Variants in DIAPH3 observed in about 807,000 individuals in gnomAD.
The protein encoded by DIAPH3 is protein diaphanous homolog 3.
Under a neutral mutation model 144.3 loss-of-function variants are expected in DIAPH3, and 117 were observed. That is an observed-to-expected ratio of 0.81 (90% CI 0.70 to 0.95). DIAPH3 has a LOEUF of 0.95. Among genes scored for constraint, DIAPH3 ranks in the 40% least tolerant of loss-of-function variants. The pLI, the probability that DIAPH3 is intolerant of heterozygous loss-of-function variation, is 0.00. For missense variants in DIAPH3, 1,421 were observed against 1,412.7 expected, an observed-to-expected ratio of 1.01 and a Z score of -0.09; for synonymous variants, 519 against 488.9, an observed-to-expected ratio of 1.06 and a Z score of -0.81.
chr13:59,826,537 C>T (rs1268389631), intron 24 of DIAPH3, among the ~76,000 whole-genome samples: 1 of 148,034 alleles, frequency 6.8e-6, no homozygotes, highest in Non-Finnish European at 1.5e-5. Context: ...AAAGAGGATA[C>T]AAACAAATGG....
intron 25 of DIAPH3, among the ~76,000 whole-genome samples, chr13:59,780,307 T>C (rs2038668697): frequency 6.6e-6 from 1 of 152,140 alleles, no homozygotes; most frequent in African/African-American, 2.4e-5. Flanking sequence ...GTAGAGGGAA[T>C]AGCATTCTTG....
In DIAPH3 at chr13:59,941,323, G is replaced by A. The variant is rs145191154; in HGVS notation, c.2075-16453C>T. 5.9e-5 allele frequency among the ~76,000 whole-genome samples: 9 copies of A among 152,202 alleles called. No individual in the cohort carries two copies. The East Asian group carries it at 1.5e-3, about 26-fold the overall frequency. Reference sequence around the variant, plus strand: ...AGGGAAGACACAAAAGCCCTTCCTGGGCCAAGAGAGAACTCGCAGGGGATC... The same window carrying A: ...AGGGAAGACACAAAAGCCCTTCCTGAGCCAAGAGAGAACTCGCAGGGGATC... On this transcript the variant is annotated intron_variant, in intron 17 of 27. Transcript: ENST00000400324.
At chr13:59,834,225 A>G (rs903817830) in intron 23 of DIAPH3, among the ~76,000 whole-genome samples, 6 of 151,734 alleles carry the variant, frequency 4.0e-5, no homozygotes, top group Non-Finnish European at 7.4e-5. Flanking sequence ...TAATGCAGTC[A>G]GATATAACAT....
intron 24 of DIAPH3, among the ~76,000 whole-genome samples, chr13:59,828,751 C>T (rs1405078441): frequency 6.6e-6 from 1 of 151,522 alleles, no homozygotes; most frequent in Non-Finnish European, 1.5e-5. Context: ...TTCTGTTGAT[C>T]ATGGTAACAA....
chr13:59,798,829 G>A (rs1453727926), intron 25 of DIAPH3, among the ~76,000 whole-genome samples: 3 of 152,122 alleles, frequency 2.0e-5, no homozygotes, highest in Admixed American at 6.5e-5. Context: ...AGGAAGTGGC[G>A]CATATTGGGT....
intron 18 of DIAPH3, among the ~76,000 whole-genome samples, chr13:59,924,386 A>G (rs1431196805): frequency 6.6e-6 from 1 of 152,122 alleles, no homozygotes; most frequent in Admixed American, 6.6e-5. Context: ...TGTGTGATCA[A>G]GTATCACAAA....
intron 27 of DIAPH3, among the ~76,000 whole-genome samples, chr13:59,766,117 G>A (rs2037848252): frequency 6.6e-6 from 1 of 152,090 alleles, no homozygotes; most frequent in African/African-American, 2.4e-5. Context: ...CTGCTTGGCT[G>A]GTGCTCTATA....
intron 5 of DIAPH3, among the ~76,000 whole-genome samples, chr13:60,029,292 C>T (rs903030790): frequency 6.6e-6 from 1 of 152,136 alleles, no homozygotes; most frequent in Admixed American, 6.6e-5. Flanking sequence ...ACCACTGCTA[C>T]AATCCTTATA....
At chr13:59,961,429 A>G (rs2049751541) in intron 17 of DIAPH3, among the ~76,000 whole-genome samples, 1 of 152,212 alleles carries the variant, frequency 6.6e-6, no homozygotes, top group South Asian at 2.1e-4. Flanking sequence ...CTTCGCGTGT[A>G]TATTACACAG....
At chr13:60,153,016 C>A (rs998938282) in intron 1 of DIAPH3, among the ~76,000 whole-genome samples, 1 of 152,096 alleles carries the variant, frequency 6.6e-6, no homozygotes, top group Non-Finnish European at 1.5e-5. Flanking sequence ...AACATTAGAA[C>A]TAAAGTAAGC....
intron 17 of DIAPH3, among the ~76,000 whole-genome samples, chr13:59,968,185 T>C (rs1363783541): frequency 6.6e-6 from 1 of 152,204 alleles, no homozygotes; most frequent in African/African-American, 2.4e-5. Context: ...AATTATTTCA[T>C]TTAGGGCTAA....
intron 17 of DIAPH3, among the ~76,000 whole-genome samples, chr13:59,947,755 C>T (rs1466444426): frequency 6.6e-6 from 1 of 151,170 alleles, no homozygotes; most frequent in Non-Finnish European, 1.5e-5. Flanking sequence ...ACAAACAAAC[C>T]ACAATCGTTT....
chr13:60,043,073 A>C (rs1471572832), intron 4 of DIAPH3, among the ~76,000 whole-genome samples: 1 of 152,220 alleles, frequency 6.6e-6, no homozygotes, highest in African/African-American at 2.4e-5. Flanking sequence ...GTAAAATGAC[A>C]TGGAGAACAA....
intron 27 of DIAPH3, among the ~76,000 whole-genome samples, chr13:59,717,332 C>T (rs2138877067): frequency 6.6e-6 from 1 of 152,290 alleles, no homozygotes; most frequent in South Asian, 2.1e-4. Context: ...AGTATCTTCT[C>T]AGGGGCCTAC....
chr13:59,833,094 T>C lies in DIAPH3; in HGVS notation c.3027+13A>G, dbSNP rs1422588738. The C allele has an allele frequency of 6.2e-7, 1 of 1,603,620 alleles. No individual in the cohort carries two copies. On this transcript the variant is annotated intron_variant, in intron 24 of 27. Coordinates refer to ENST00000400324, the MANE Select transcript of DIAPH3 (RefSeq NM_001042517.2). Reference sequence around the variant, plus strand: ...ATAAAAAAACTTTTTAAAAAACAATTTTTTTACCATACCATGAATGTGGTT... The same window carrying C: ...ATAAAAAAACTTTTTAAAAAACAATCTTTTTACCATACCATGAATGTGGTT...
intron 27 of DIAPH3, among the ~76,000 whole-genome samples, chr13:59,702,812 T>C (rs2034184664): frequency 6.6e-6 from 1 of 152,182 alleles, no homozygotes; most frequent in Non-Finnish European, 1.5e-5. Flanking sequence ...CCCTCTACAA[T>C]ATACCTACCT....
chr13:59,761,174 C>T (rs775547885), intron 27 of DIAPH3, among the ~76,000 whole-genome samples: 8 of 152,092 alleles, frequency 5.3e-5, no homozygotes, highest in African/African-American at 1.9e-4. Flanking sequence ...TTTACCTAGA[C>T]GAAATAACAA....
At chr13:59,981,707 A>G (rs1277826109) in intron 13 of DIAPH3, among the ~76,000 whole-genome samples, 1 of 151,452 alleles carries the variant, frequency 6.6e-6, no homozygotes, top group Non-Finnish European at 1.5e-5. Context: ...AAGAATTTAT[A>G]ATAAAAAATA....
chr13:59,889,136 C>A (rs1370480539), intron 20 of DIAPH3, among the ~76,000 whole-genome samples: 2 of 151,884 alleles, frequency 1.3e-5, no homozygotes, highest in Admixed American at 6.6e-5. Flanking sequence ...GCCTCTTAAA[C>A]CCTAAGTTTA....
Sources: gnomAD v4.1 joint callset for allele counts (sites outside exome capture counted in the v4.1 genomes callset) on GRCh38, gnomAD v4.1.1 for gene constraint, MANE v1.5 for transcripts, NCBI Gene and HGNC (gene_info 2026-07-23, HGNC 2026-07-21) for gene names.